Variants in NME7 observed in about 807,000 individuals in gnomAD.
The protein encoded by NME7 is NME/NM23 family member 7, also known as nucleoside diphosphate kinase 7.
A neutral mutation model predicts 49.1 loss-of-function variants in NME7; 41 were observed. That is an observed-to-expected ratio of 0.83 (90% CI 0.65 to 1.08). The LOEUF (loss-of-function observed/expected upper bound fraction) is 1.08. Ranked by LOEUF, NME7 falls within the 50% of genes least tolerant of loss-of-function variation. The pLI, the probability that NME7 is intolerant of heterozygous loss-of-function variation, is 0.00. For missense variants in NME7, 423 were observed against 463.4 expected (o/e 0.91, Z 0.80); for synonymous variants, 139 against 150.6 (o/e 0.92, Z 0.56).
intron 1 of NME7, among the ~76,000 whole-genome samples, chr1:169,342,000 T>C (rs1170401033): frequency 6.6e-6 from 1 of 152,148 alleles, no homozygotes; most frequent in African/African-American, 2.4e-5. Flanking sequence ...GAGCTAATGC[T>C]GGAATGAGTT....
chr1:169,276,899 G>A (rs958901471), intron 7 of NME7, among the ~76,000 whole-genome samples: 9 of 148,676 alleles, frequency 6.1e-5, no homozygotes, highest in Admixed American at 4.1e-4. Context: ...CTTTGTTCTC[G>A]TTGGTTTCAA....
chr1:169,156,436 G>GC (rs1223254558), intron 11 of NME7, among the ~76,000 whole-genome samples: 4 of 152,090 alleles, frequency 2.6e-5, no homozygotes, highest in African/African-American at 7.2e-5. Context: ...ATTCTTAAAT[G>GC]CCCCCTGTAA....
At chr1:169,226,921 A>G (rs1647365645) in intron 10 of NME7, among the ~76,000 whole-genome samples, 1 of 152,168 alleles carries the variant, frequency 6.6e-6, no homozygotes, top group Non-Finnish European at 1.5e-5. Context: ...AAAACACAGT[A>G]GAGTAATGCC....
intron 10 of NME7, among the ~76,000 whole-genome samples, chr1:169,195,056 G>T (rs1435524240): frequency 7.4e-6 from 1 of 134,532 alleles, no homozygotes; most frequent in South Asian, 2.3e-4. Flanking sequence ...AATGCTTTAA[G>T]GGCATTCAAA....
At chr1:169,274,826 C>T (rs1277703733) in intron 7 of NME7, among the ~76,000 whole-genome samples, 1 of 133,080 alleles carries the variant, frequency 7.5e-6, no homozygotes, top group Non-Finnish European at 1.8e-5. Flanking sequence ...ATTCATCTAT[C>T]TCTCTGTTTT....
chr1:169,258,004 G>C (rs1480595165), intron 7 of NME7, among the ~76,000 whole-genome samples: 1 of 133,066 alleles, frequency 7.5e-6, no homozygotes, highest in Non-Finnish European at 1.8e-5. Context: ...AATAAATGTT[G>C]TTCCTTACCT....
At chr1:169,303,019 G>A in intron 5 of NME7, 126 bp downstream of exon 5, 3 of 557,664 alleles carry the variant, frequency 5.4e-6, no homozygotes, top group Non-Finnish European at 9.7e-6. Context: ...ATTCTGTGCA[G>A]TTGCAAGATG....
At chr1:169,330,645 C>G (rs1652220090) in intron 1 of NME7, among the ~76,000 whole-genome samples, 1 of 152,110 alleles carries the variant, frequency 6.6e-6, no homozygotes, top group African/African-American at 2.4e-5. Context: ...CACCACTGCA[C>G]TCCAGTCTGG....
chr1:169,243,190 T>C (rs1283378438), intron 7 of NME7, among the ~76,000 whole-genome samples: 1 of 152,152 alleles, frequency 6.6e-6, no homozygotes, highest in Non-Finnish European at 1.5e-5. Context: ...TTGTCAGTGA[T>C]AGAGATCAAT....
intron 10 of NME7, among the ~76,000 whole-genome samples, chr1:169,222,764 T>C (rs1415003490): frequency 1.3e-5 from 2 of 152,210 alleles, no homozygotes; most frequent in African/African-American, 4.8e-5. Flanking sequence ...TTGTAAAAAC[T>C]TGACATTTTA....
intron 10 of NME7, among the ~76,000 whole-genome samples, chr1:169,226,429 T>C (rs1293873502): frequency 6.6e-6 from 1 of 152,050 alleles, no homozygotes; most frequent in Non-Finnish European, 1.5e-5. Flanking sequence ...AAGAAAAGAA[T>C]GGAGAAAAGG....
At chr1:169,352,181 A>C (rs1653200692) in intron 1 of NME7, among the ~76,000 whole-genome samples, 1 of 152,084 alleles carries the variant, frequency 6.6e-6, no homozygotes, top group Non-Finnish European at 1.5e-5. Context: ...GAAATCTTCA[A>C]AAATGCTAGA....
intron 10 of NME7, among the ~76,000 whole-genome samples, 182 bp downstream of exon 10, chr1:169,230,536 A>T (rs1419676485): frequency 6.6e-6 from 1 of 152,206 alleles, no homozygotes; most frequent in Admixed American, 6.5e-5. Flanking sequence ...TAACAAAAAA[A>T]ATTATCTTTC....
At chr1:169,143,531 A>G in intron 11 of NME7, among the ~76,000 whole-genome samples, 1 of 152,128 alleles carries the variant, frequency 6.6e-6, no homozygotes, top group East Asian at 1.9e-4. Context: ...ATCAGAATTT[A>G]TACTTGTCCA....
At chr1:169,298,097 T>C (rs988691529) in intron 6 of NME7, among the ~76,000 whole-genome samples, 6 of 152,310 alleles carry the variant, frequency 3.9e-5, no homozygotes, top group African/African-American at 1.4e-4. Flanking sequence ...TTTATATGGA[T>C]TTAAAAATAA....
intron 3 of NME7, among the ~76,000 whole-genome samples, chr1:169,320,533 T>C (rs1651815279): frequency 6.6e-6 from 1 of 152,212 alleles, no homozygotes; most frequent in African/African-American, 2.4e-5. Flanking sequence ...CTAAATCGGT[T>C]GTTACATAGA....
chr1:169,361,830 G>A (rs1653669418), intron 1 of NME7, among the ~76,000 whole-genome samples: 1 of 151,364 alleles, frequency 6.6e-6, no homozygotes, highest in Admixed American at 6.6e-5. Flanking sequence ...AAGCTATTAG[G>A]AGAAACGTCA....
rs1294683458 is a variant in NME7, at chr1:169,260,793, C to A, written c.755-23106G>T. 4.5e-5 allele frequency among the ~76,000 whole-genome samples: 6 copies of A among 133,922 alleles called. 2 individuals are homozygous for A. Among genetic ancestry groups the A allele is most frequent in the Admixed American group, 1.5e-4 (2 of 13,694 alleles). The allele number at this position is 133,922 out of a possible 152,430, so 87.9% of individuals were successfully genotyped here. On this transcript the variant is annotated intron_variant, in intron 7 of 11. Coordinates refer to ENST00000367811, the MANE Select transcript of NME7 (RefSeq NM_013330.5). ...ACTCTTTTTTAAGATATGTTTTCCTCAGGTCTAAATCATGTGTAGCTATGC... is the reference window on the plus strand; with the variant it reads ...ACTCTTTTTTAAGATATGTTTTCCTAAGGTCTAAATCATGTGTAGCTATGC...
rs534080515 is a variant in NME7 at position 169,317,004 on chromosome 1, TAGAA to T, written c.278+6109_278+6112del. 3.0e-3 allele frequency among the ~76,000 whole-genome samples: 433 copies of T among 142,146 alleles called. 5 individuals are homozygous for T. The highest frequency in any genetic ancestry group is 3.8e-3 in the Middle Eastern group (1 of 266). 93.3% of individuals were successfully genotyped at this position (142,146 alleles called of 152,430 possible). ...CAAAGAAAAGGCAAGAAGAAAAAAA[TAGAA>T]AAACAGGAAAACAGTAAAATAGAAA... On this transcript the variant is annotated intron_variant, in intron 3 of 11. Coordinates refer to ENST00000367811, the MANE Select transcript of NME7 (RefSeq NM_013330.5).
Sources: allele counts gnomAD v4.1 joint callset (sites outside exome capture counted in the v4.1 genomes callset), GRCh38; gene constraint gnomAD v4.1.1; transcripts MANE v1.5; gene names NCBI Gene and HGNC (gene_info 2026-07-23, HGNC 2026-07-21).